Variants in FH observed in about 807,000 individuals in gnomAD.
The protein encoded by FH is fumarate hydratase.
A neutral mutation model predicts 49.4 loss-of-function variants in FH; 22 were observed. The observed-to-expected ratio is 0.45, with a 90% CI of 0.32 to 0.64. FH has a LOEUF of 0.64. FH is among the 30% of genes least tolerant of loss of function. The probability of loss-of-function intolerance (pLI) is 0.05; values close to 1 mark genes in which losing one functional copy is unlikely to be tolerated. For synonymous variants in FH, 208 were observed against 223.0 expected (o/e 0.93, Z 0.60); for missense variants, 526 against 641.5 (o/e 0.82, Z 1.95).
chr1:241,508,502 G>T, intron 5 of FH, 101 bp downstream of exon 5: 1 of 930,486 alleles, frequency 1.1e-6, no homozygotes, highest in South Asian at 1.3e-5. Flanking sequence ...TGAAGTTTCC[G>T]GTTACAAATT....
intron 2 of FH, among the ~76,000 whole-genome samples, chr1:241,514,489 T>G (rs1660167586): frequency 1.3e-5 from 2 of 152,184 alleles, no homozygotes; most frequent in Admixed American, 6.5e-5. Flanking sequence ...ACAAGTGAAT[T>G]GTGAGTTCTT....
intron 2 of FH, 95 bp downstream of exon 2, chr1:241,517,087 C>A: frequency 6.7e-7 from 1 of 1,485,152 alleles, no homozygotes; most frequent in Non-Finnish European, 9.4e-7. Context: ...AATAACTTTA[C>A]ATTTTAACTC....
intron 7 of FH, among the ~76,000 whole-genome samples, chr1:241,502,780 C>T (rs1476934749): frequency 6.6e-6 from 1 of 152,190 alleles, no homozygotes; most frequent in Non-Finnish European, 1.5e-5. Flanking sequence ...GCCACAACTA[C>T]ACATTAAATA....
chr1:241,502,973 A>G (rs531580745), intron 7 of FH, among the ~76,000 whole-genome samples: 1 of 152,334 alleles, frequency 6.6e-6, no homozygotes, highest in African/African-American at 2.4e-5. Context: ...CAGAACACTT[A>G]TAAAAGCGAC....
chr1:241,511,554 TG>T (rs1660084187), intron 4 of FH, among the ~76,000 whole-genome samples: 1 of 152,060 alleles, frequency 6.6e-6, no homozygotes, highest in Admixed American at 6.6e-5. Context: ...CTCAGTTTTT[TG>T]TTTTTTTTTT....
intron 1 of FH, chr1:241,519,084 T>C (rs1223642805): frequency 6.4e-6 from 1 of 155,362 alleles, no homozygotes; most frequent in Non-Finnish European, 1.4e-5. Flanking sequence ...AGCAGTGCAG[T>C]GCCCCTTGGC....
chr1:241,511,329 AGCT>A (rs1370542796), intron 4 of FH, among the ~76,000 whole-genome samples: 3 of 152,240 alleles, frequency 2.0e-5, no homozygotes, highest in African/African-American at 7.2e-5. Flanking sequence ...TCGGACTTCT[AGCT>A]GCCAGAACTG....
rs1217611838 is a variant in FH, at chr1:241,513,684, C to G, written c.297G>C (p.Leu99Phe). The G allele has an allele frequency of 6.2e-7, 1 of 1,614,036 alleles. No individual in the cohort carries two copies. The highest frequency in any genetic ancestry group is 1.1e-5 in the South Asian group (1 of 91,076). ...GGTTTACTTCAGCGGCCGCTCGCTT[C>G]AAGATGCCAAAAGCTTTAATAACTG... ...PTPVIKAFGI[L>F]KRAAAEVNQD... The change falls in exon 3 of 10, where the codon TTG becomes TTC. Residue 99 changes from leucine to phenylalanine, a missense_variant. Physicochemically the swap from Leu to Phe is conservative, Grantham distance 22 (BLOSUM62 0). This residue lies in a region of FH where 383 missense variants were observed against 514.0 expected (regional missense o/e 0.75). Coordinates refer to ENST00000366560, the MANE Select transcript of FH (RefSeq NM_000143.4).
Position 241,497,887 on chromosome 1 carries a change from G to A in FH, c.1474C>T (p.Leu492Phe), listed in dbSNP as rs1659663430. 6.2e-7 allele frequency: 1 copy of A among 1,613,412 alleles called. No individual in the cohort carries two copies. The highest frequency in any genetic ancestry group is 8.5e-7 in the Non-Finnish European group (1 of 1,179,940). Residue 492 changes from leucine (L) to phenylalanine (F), a missense_variant, in exon 10 of 10, where the codon CTC becomes TTC. By Grantham distance (22) the Leu-to-Phe change is conservative. Coordinates refer to ENST00000366560, the MANE Select transcript of FH (RefSeq NM_000143.4). The part of the protein sequence containing the change: ...LKETAIELGY[L>F]TAEQFDEWVK... Reference sequence around the variant, plus strand: ...CATTCGTCAAACTGCTCTGCTGTGAGATAGCCAAGTTCGATAGCAGTTTCC... The same window carrying A: ...CATTCGTCAAACTGCTCTGCTGTGAAATAGCCAAGTTCGATAGCAGTTTCC...
intron 2 of FH, among the ~76,000 whole-genome samples, chr1:241,514,977 TG>T (rs1054807119): frequency 2.1e-4 from 32 of 152,166 alleles, no homozygotes; most frequent in Non-Finnish European, 4.3e-4. Flanking sequence ...CCAGTGTTTA[TG>T]GACCATAAAA....
rs542511255 is a variant in FH, at chr1:241,502,394, A to T, written c.1236+49T>A. On this transcript the variant is annotated intron_variant, in intron 8 of 9. Transcript: ENST00000366560. ...AGTCTTTATGAAATACAAAACCAAG[A>T]TAATAAGCCTTTGGTCAAAAAACAT... 31 of 1,610,340 alleles carry T rather than the reference A, an allele frequency of 1.9e-5. No homozygotes were observed. In the South Asian group the frequency reaches 3.0e-4, roughly 15 times the overall value.
chr1:241,509,249 T>A (rs1164958585), intron 4 of FH, among the ~76,000 whole-genome samples: 1 of 152,010 alleles, frequency 6.6e-6, no homozygotes, highest in Non-Finnish European at 1.5e-5. Context: ...TCTTATAAAA[T>A]CTTATAATTG....
At chr1:241,501,778 T>C (rs1387765179) in intron 8 of FH, among the ~76,000 whole-genome samples, 2 of 152,198 alleles carry the variant, frequency 1.3e-5, no homozygotes, top group Non-Finnish European at 2.9e-5. Flanking sequence ...AGCTCCACTA[T>C]CTGCAGCTGA....
At chr1:241,500,383 T>C (rs1221872086) in intron 9 of FH, 54 bp downstream of exon 9, 1 of 1,566,982 alleles carries the variant, frequency 6.4e-7, no homozygotes, top group African/African-American at 1.4e-5. Flanking sequence ...TTAAAAATGG[T>C]TTAGCTTTTT....
intron 9 of FH, among the ~76,000 whole-genome samples, chr1:241,498,962 G>T (rs1185664283): frequency 1.3e-5 from 2 of 151,480 alleles, no homozygotes; most frequent in East Asian, 3.9e-4. Context: ...ATGTTGAAAA[G>T]GGCATTTATT....
At chr1:241,508,487 G>T in intron 5 of FH, 116 bp downstream of exon 5, 1 of 810,794 alleles carries the variant, frequency 1.2e-6, no homozygotes, top group Non-Finnish European at 2.2e-6. Flanking sequence ...AACAACCTCT[G>T]TCACTGAAGT....
chr1:241,518,052 G>T (rs191891125), intron 1 of FH, among the ~76,000 whole-genome samples: 17 of 152,320 alleles, frequency 1.1e-4, no homozygotes, highest in Non-Finnish European at 2.2e-4. Flanking sequence ...CTGGTAAGTG[G>T]AAGGCACTCA....
intron 5 of FH, 97 bp downstream of exon 5, chr1:241,508,506 A>T: frequency 2.1e-6 from 2 of 967,848 alleles, no homozygotes; most frequent in Non-Finnish European, 3.4e-6. Flanking sequence ...GTTTCCGGTT[A>T]CAAATTTGGC....
At chr1:241,498,122 C>G in intron 9 of FH, 152 bp from the exon 10 acceptor site, 1 of 710,706 alleles carries the variant, frequency 1.4e-6, no homozygotes, top group Non-Finnish European at 2.5e-6. Flanking sequence ...GTGATTATCT[C>G]AATAATCATT....
Sources: allele counts gnomAD v4.1 joint callset (sites outside exome capture counted in the v4.1 genomes callset), GRCh38; gene constraint gnomAD v4.1.1; regional missense constraint gnomAD v4.1.1; transcripts MANE v1.5; gene names NCBI Gene and HGNC (gene_info 2026-07-23, HGNC 2026-07-21).